PCSK6: variants seen among roughly 807,000 people sequenced by gnomAD.
PCSK6 encodes the protein proprotein convertase subtilisin/kexin type 6, also known as paired basic amino acid cleaving enzyme 4.
In PCSK6, 85 loss-of-function variants were observed where a neutral mutation model predicts 123.3. The observed-to-expected ratio is 0.69, with a 90% CI of 0.58 to 0.83. The LOEUF (loss-of-function observed/expected upper bound fraction) is 0.83, where lower values mean the gene tolerates loss of function less well. Among genes scored for constraint, PCSK6 ranks in the 40% least tolerant of loss-of-function variants. PCSK6 has a pLI of 0.00. For synonymous variants in PCSK6, 508 were observed against 516.0 expected, an observed-to-expected ratio of 0.98 and a Z score of 0.21; for missense variants, 1,191 against 1,282.3, an observed-to-expected ratio of 0.93 and a Z score of 1.09.
At chr15:101,332,698 T>C (rs118123310) in intron 13 of PCSK6, among the ~76,000 whole-genome samples, 3,868 of 152,200 alleles carry the variant, frequency 0.025, 118 homozygotes, top group East Asian at 0.13. Flanking sequence ...CCAGGCTCCA[T>C]GGGGGACATC....
In PCSK6 at chr15:101,388,305, C is replaced by T. The variant is rs181160613; in HGVS notation, c.1310+1159G>A. Among the ~76,000 whole-genome samples, 161 of 152,286 alleles carry T rather than the reference C, an allele frequency of 1.1e-3. 1 individual carries two copies. The highest frequency in any genetic ancestry group is 3.4e-3 in the African/African-American group (143 of 41,554). On this transcript the variant is annotated intron_variant, in intron 9 of 21. Coordinates refer to ENST00000611716, the MANE Select transcript of PCSK6 (RefSeq NM_002570.5). The stretch of plus-strand genomic sequence containing the variant: ...ACGCTCAGTTTGTCTTGTGCAAATC[C>T]ACATGCAAACACACGTAATTACAAG...
At chr15:101,472,711 C>T (rs954843175) in intron 1 of PCSK6, among the ~76,000 whole-genome samples, 1 of 152,184 alleles carries the variant, frequency 6.6e-6, no homozygotes, top group Non-Finnish European at 1.5e-5. Context: ...AAGCACAAAG[C>T]AACTACCTCC....
At chr15:101,404,442 T>C (rs2042707983) in intron 6 of PCSK6, among the ~76,000 whole-genome samples, 1 of 152,158 alleles carries the variant, frequency 6.6e-6, no homozygotes, top group Admixed American at 6.5e-5. Flanking sequence ...TCCATGGCTG[T>C]GTCAGGGACA....
chr15:101,381,835 G>C (rs1434597928), intron 11 of PCSK6, among the ~76,000 whole-genome samples: 1 of 152,266 alleles, frequency 6.6e-6, no homozygotes, highest in African/African-American at 2.4e-5. Flanking sequence ...GGTTCAGGCT[G>C]AGGAACTGAT....
At chr15:101,368,956 C>T (rs566104127) in intron 12 of PCSK6, among the ~76,000 whole-genome samples, 262 of 152,342 alleles carry the variant, frequency 1.7e-3, no homozygotes, top group African/African-American at 5.9e-3. Context: ...TGCTCGTGCC[C>T]GTGTGAGACC....
intron 11 of PCSK6, 104 bp from the exon 12 acceptor site, chr15:101,370,627 C>G (rs558311044): frequency 8.9e-7 from 1 of 1,122,306 alleles, no homozygotes. Flanking sequence ...ACTGCAGCCT[C>G]AGGGCCCTGC....
intron 6 of PCSK6, among the ~76,000 whole-genome samples, chr15:101,419,945 G>T (rs1483638825): frequency 6.6e-6 from 1 of 152,050 alleles, no homozygotes; most frequent in Non-Finnish European, 1.5e-5. Flanking sequence ...CCAGTACTTT[G>T]GGCAGCTGAG....
intron 13 of PCSK6, among the ~76,000 whole-genome samples, chr15:101,362,199 A>G (rs1018036667): frequency 7.2e-5 from 11 of 151,938 alleles, no homozygotes; most frequent in Middle Eastern, 3.4e-3. Context: ...CTTGTGATTC[A>G]CCCGCCTCGG....
chr15:101,428,667 G>A (rs1029239291), intron 5 of PCSK6, among the ~76,000 whole-genome samples: 1 of 152,198 alleles, frequency 6.6e-6, no homozygotes, highest in Non-Finnish European at 1.5e-5. Context: ...GCCAAAATAG[G>A]AGCAACTTGA....
At position 101,351,432 on chromosome 15, in the gene PCSK6, A is replaced by G. The variant is rs528225132; in HGVS notation, c.1858+14764T>C. 9.9e-5 allele frequency among the ~76,000 whole-genome samples: 15 copies of G among 152,212 alleles called. No homozygotes were observed. The South Asian group carries it at 1.9e-3, about 19-fold the overall frequency. On this transcript the variant is annotated intron_variant, in intron 13 of 21. Coordinates refer to ENST00000611716, the MANE Select transcript of PCSK6 (RefSeq NM_002570.5). ...TGGTGAGTGAATGAAGTTCTGACATATGTCTTTGTTGTTTCTGTGGCAAAA... is the reference window on the plus strand; with the variant it reads ...TGGTGAGTGAATGAAGTTCTGACATGTGTCTTTGTTGTTTCTGTGGCAAAA...
chr15:101,454,401 A>T (rs578241416), intron 1 of PCSK6, among the ~76,000 whole-genome samples: 45 of 152,302 alleles, frequency 3.0e-4, no homozygotes, highest in African/African-American at 8.9e-4. Flanking sequence ...GAGTGGATCG[A>T]CAAAACCTGG....
At chr15:101,411,824 G>A (rs944667801) in intron 6 of PCSK6, among the ~76,000 whole-genome samples, 1 of 152,206 alleles carries the variant, frequency 6.6e-6, no homozygotes, top group Admixed American at 6.5e-5. Context: ...CAGCAGGTAG[G>A]AAGCAGCGCT....
chr15:101,313,514 C>G lies in PCSK6; in HGVS notation c.2570-9G>C, dbSNP rs1012421950. ...CTCTTCTCTGCCTGGCCCTGAGAGA[C>G]ACAGGAAAAGAAGCAGGTATCAGGG... On this transcript the variant is annotated splice_polypyrimidine_tract_variant and intron_variant, in intron 19 of 21. Transcript: ENST00000611716. The G allele has an allele frequency of 2.5e-6, 4 of 1,589,280 alleles. No homozygotes were observed. The highest frequency in any genetic ancestry group is 2.7e-5 in the African/African-American group (2 of 74,838).
rs371321542 is a variant in PCSK6 at position 101,326,752 on chromosome 15, C to T, written c.2078-273G>A. Reference sequence around the variant, plus strand: ...AAACATCCAGGGTGGGTACGCCACCCGGAGCAGGGAGGAGATGGGACTTGT... The same window carrying T: ...AAACATCCAGGGTGGGTACGCCACCTGGAGCAGGGAGGAGATGGGACTTGT... On this transcript the variant is annotated intron_variant, in intron 15 of 21. Transcript: ENST00000611716. Among the ~76,000 whole-genome samples the T allele has an allele frequency of 1.2e-4, 19 of 152,272 alleles. No homozygotes were observed. In the East Asian group the frequency reaches 2.3e-3, roughly 19 times the overall value.
At chr15:101,362,181 C>T (rs1708533463) in intron 13 of PCSK6, among the ~76,000 whole-genome samples, 1 of 152,164 alleles carries the variant, frequency 6.6e-6, no homozygotes, top group East Asian at 1.9e-4. Context: ...TGGTCTCGAT[C>T]TCCTGACCTT....
At chr15:101,376,663 G>A (rs1386419931) in intron 11 of PCSK6, among the ~76,000 whole-genome samples, 3 of 152,212 alleles carry the variant, frequency 2.0e-5, no homozygotes, top group Non-Finnish European at 4.4e-5. Context: ...GAAATAAGTA[G>A]CCTTTACAAT....
intron 1 of PCSK6, among the ~76,000 whole-genome samples, chr15:101,483,274 C>T (rs543108733): frequency 3.2e-4 from 49 of 152,326 alleles, no homozygotes; most frequent in Middle Eastern, 3.4e-3. Flanking sequence ...GTTAAGGCTT[C>T]GGCTTGTTTT....
At chr15:101,355,172 A>G (rs1239960644) in intron 13 of PCSK6, among the ~76,000 whole-genome samples, 1 of 152,246 alleles carries the variant, frequency 6.6e-6, no homozygotes, top group Non-Finnish European at 1.5e-5. Context: ...AAGAAATTTT[A>G]ATCAGGGAGA....
rs920702506 is a variant in PCSK6 at position 101,395,992 on chromosome 15, C to T, written c.996+2412G>A. ...CTACCAAAGATAAAGTCAGATTTTA[C>T]AGAAGACTGTAGGCGACAAATAGGG... On this transcript the variant is annotated intron_variant, in intron 7 of 21. Coordinates refer to ENST00000611716, the MANE Select transcript of PCSK6 (RefSeq NM_002570.5). 2.0e-5 allele frequency among the ~76,000 whole-genome samples: 3 copies of T among 152,238 alleles called. No individual in the cohort carries two copies. The South Asian group carries it at 6.2e-4, about 32-fold the overall frequency.
Sources: allele counts gnomAD v4.1 joint callset (sites outside exome capture counted in the v4.1 genomes callset), GRCh38; gene constraint gnomAD v4.1.1; transcripts MANE v1.5; gene names NCBI Gene and HGNC (gene_info 2026-07-23, HGNC 2026-07-21).